The following DLG2 variants were observed in gnomAD, a reference collection of about 807,000 sequenced individuals.
The protein encoded by DLG2 is disks large homolog 2.
DLG2 carries 45 observed loss-of-function variants against 132.5 expected under a neutral mutation model. The observed-to-expected ratio is 0.34, with a 90% CI of 0.27 to 0.44. The LOEUF (loss-of-function observed/expected upper bound fraction) is 0.44. DLG2 is among the 20% of genes least tolerant of loss of function. DLG2 has a pLI of 1.00. For synonymous variants in DLG2, 424 were observed against 419.6 expected (o/e 1.01, Z -0.13); for missense variants, 1,045 against 1,196.9 (o/e 0.87, Z 1.87).
At chr11:84,574,069 T>TGATTTGTCACTCA (rs1447860017) in intron 6 of DLG2, among the ~76,000 whole-genome samples, 1 of 152,182 alleles carries the variant, frequency 6.6e-6, no homozygotes, top group Non-Finnish European at 1.5e-5. Flanking sequence ...GTGACAGAAC[T>TGATTTGTCACTCA]GAGACTCCAG....
chr11:85,281,464 A>T, intron 4 of DLG2, among the ~76,000 whole-genome samples: 1 of 152,022 alleles, frequency 6.6e-6, no homozygotes, highest in East Asian at 1.9e-4. Flanking sequence ...AAGCCTGTGG[A>T]AACTAATAAT....
At chr11:84,564,876 C>A (rs1231399995) in intron 6 of DLG2, among the ~76,000 whole-genome samples, 1 of 152,162 alleles carries the variant, frequency 6.6e-6, no homozygotes, top group Non-Finnish European at 1.5e-5. Flanking sequence ...AATAATATGA[C>A]AGTGCAACAT....
chr11:85,402,065 G>A (rs1222724757), intron 3 of DLG2, among the ~76,000 whole-genome samples: 5 of 152,092 alleles, frequency 3.3e-5, no homozygotes, highest in Non-Finnish European at 7.4e-5. Context: ...CAAAGCTGGA[G>A]GCATCACGCT....
rs1182970995 is a variant in DLG2, at chr11:83,942,759, TACCCCATAAGGGGA to T, written c.1341-12290_1341-12277del. ...ATTAATTTTTTAAAAATATTTTTTG[TACCCCATAAGGGGA>T]TAGATCTTGAATGTTATCACCACAC... On this transcript the variant is annotated intron_variant, in intron 14 of 27. Transcript: ENST00000376104. Among the ~76,000 whole-genome samples the T allele has an allele frequency of 5.3e-5, 8 of 152,352 alleles. No homozygotes were observed. In the East Asian group the frequency reaches 1.5e-3, roughly 29 times the overall value.
chr11:84,013,911 A>G (rs2095032370), intron 11 of DLG2, among the ~76,000 whole-genome samples: 1 of 151,176 alleles, frequency 6.6e-6, no homozygotes, highest in African/African-American at 2.4e-5. Flanking sequence ...TTCAGTTAAA[A>G]ACTTCCTTAA....
chr11:84,584,116 T>C (rs2099523204), intron 6 of DLG2, among the ~76,000 whole-genome samples: 1 of 152,082 alleles, frequency 6.6e-6, no homozygotes, highest in Admixed American at 6.5e-5. Flanking sequence ...ATAATGTCAG[T>C]TTGTTTTCTA....
chr11:85,555,920 G>A (rs924021338), intron 3 of DLG2, among the ~76,000 whole-genome samples: 9 of 151,744 alleles, frequency 5.9e-5, no homozygotes, highest in Non-Finnish European at 1.3e-4. Context: ...TCTCTGCCCT[G>A]GGAAGAAGGT....
At chr11:85,424,870 GTTC>G (rs1338161141) in intron 3 of DLG2, among the ~76,000 whole-genome samples, 1 of 152,130 alleles carries the variant, frequency 6.6e-6, no homozygotes, top group Non-Finnish European at 1.5e-5. Context: ...CCCAGCACCT[GTTC>G]TTCGACTTCG....
chr11:84,505,473 G>A (rs1047719184), intron 7 of DLG2, among the ~76,000 whole-genome samples: 5 of 152,142 alleles, frequency 3.3e-5, no homozygotes, highest in Non-Finnish European at 7.4e-5. Context: ...ATCACTGCAA[G>A]TATTGAATGA....
intron 7 of DLG2, among the ~76,000 whole-genome samples, chr11:84,267,163 T>C (rs1329019953): frequency 6.6e-6 from 1 of 152,180 alleles, no homozygotes; most frequent in East Asian, 1.9e-4. Flanking sequence ...ACCCCACTAA[T>C]CCTCTGAAAT....
At chr11:84,658,170 T>C (rs2099690441) in intron 6 of DLG2, among the ~76,000 whole-genome samples, 1 of 152,184 alleles carries the variant, frequency 6.6e-6, no homozygotes, top group South Asian at 2.1e-4. Context: ...GATGATTTAA[T>C]TTTGAAATGC....
At chr11:85,307,673 C>T (rs2080044043) in intron 3 of DLG2, among the ~76,000 whole-genome samples, 1 of 152,162 alleles carries the variant, frequency 6.6e-6, no homozygotes, top group African/African-American at 2.4e-5. Context: ...CTGGTCCTGC[C>T]ACAGTACTGA....
At chr11:84,190,656 T>G (rs2096389103) in intron 8 of DLG2, among the ~76,000 whole-genome samples, 1 of 152,208 alleles carries the variant, frequency 6.6e-6, no homozygotes, top group Admixed American at 6.5e-5. Flanking sequence ...TCAATGGAAA[T>G]AGCAACTGCC....
intron 3 of DLG2, among the ~76,000 whole-genome samples, chr11:85,551,482 C>T (rs2076661681): frequency 1.3e-5 from 2 of 151,910 alleles, no homozygotes; most frequent in African/African-American, 4.8e-5. Flanking sequence ...ATTTTAATGC[C>T]ATATAAATAC....
At chr11:84,176,324 TA>T (rs2095966384) in intron 8 of DLG2, among the ~76,000 whole-genome samples, 1 of 148,658 alleles carries the variant, frequency 6.7e-6, no homozygotes, top group Admixed American at 6.8e-5. Flanking sequence ...AGCTTATATA[TA>T]TATATATATA....
At chr11:84,305,546 A>G (rs1299627588) in intron 7 of DLG2, among the ~76,000 whole-genome samples, 1 of 152,122 alleles carries the variant, frequency 6.6e-6, no homozygotes, top group Non-Finnish European at 1.5e-5. Flanking sequence ...GGTCTTACTG[A>G]TATGTTTAAT....
intron 7 of DLG2, among the ~76,000 whole-genome samples, chr11:84,299,272 T>C (rs1474592406): frequency 6.6e-6 from 1 of 152,178 alleles, no homozygotes; most frequent in East Asian, 1.9e-4. Context: ...AATCAGTAAG[T>C]GATACAAATA....
chr11:85,549,254 C>T (rs184083140), intron 3 of DLG2, among the ~76,000 whole-genome samples: 11 of 152,256 alleles, frequency 7.2e-5, no homozygotes, highest in Non-Finnish European at 1.5e-4. Context: ...ACCCCTTGCA[C>T]TTCCCGGATG....
intron 6 of DLG2, among the ~76,000 whole-genome samples, chr11:84,714,542 T>TTTCTC (rs2060825745): frequency 9.4e-6 from 1 of 105,894 alleles, no homozygotes; most frequent in African/African-American, 7.3e-5. Context: ...TCTCTTTCTC[T>TTTCTC]TTCTCTTTCT....
Sources: gnomAD v4.1 joint callset for allele counts (sites outside exome capture counted in the v4.1 genomes callset) on GRCh38, gnomAD v4.1.1 for gene constraint, MANE v1.5 for transcripts, NCBI Gene and HGNC (gene_info 2026-07-23, HGNC 2026-07-21) for gene names.